RIN1: variants seen among roughly 807,000 people sequenced by gnomAD.
RIN1 encodes Ras and Rab interactor 1, also known as ras inhibitor 1.
A neutral mutation model predicts 64.9 loss-of-function variants in RIN1; 52 were observed. That is an observed-to-expected ratio of 0.80 (90% CI 0.64 to 1.01). The LOEUF (loss-of-function observed/expected upper bound fraction) is 1.01. Ranked by LOEUF, RIN1 falls within the 50% of genes least tolerant of loss-of-function variation. The probability of loss-of-function intolerance (pLI) is 0.00; values close to 1 mark genes in which losing one functional copy is unlikely to be tolerated. For missense variants in RIN1, 1,040 were observed against 1,064.5 expected (o/e 0.98, Z 0.32); for synonymous variants, 486 against 483.6 (o/e 1.00, Z -0.06).
chr11:66,333,637 T>A lies in RIN1; in HGVS notation c.1613A>T (p.Glu538Val), dbSNP rs2134939010. ...TQEGEGAGADEFLPLLSLVLA... is the reference protein window; with the variant it reads ...TQEGEGAGADVFLPLLSLVLA... ...GACGAGGCTCAGCAGAGGCAGGAAC[T>A]CGTCGGCACCCGCGCCCTCCCCTGT... The change falls in exon 8 of 10, where the codon GAG (glutamate) becomes GTG (valine). Residue 538 changes from glutamate to valine, a missense_variant. Glu to Val is a moderately radical substitution (Grantham distance 121). Transcript: ENST00000311320. 6.2e-7 allele frequency: 1 copy of A among 1,612,658 alleles called. No individual in the cohort carries two copies.
intron 4 of RIN1, 43 bp from the exon 5 acceptor site, chr11:66,335,541 G>C: frequency 6.2e-7 from 1 of 1,612,814 alleles, no homozygotes; most frequent in Middle Eastern, 1.6e-4. Flanking sequence ...GGGCCGAAGA[G>C]GGCGGGAAGG....
In RIN1 at chr11:66,336,286, C is replaced by G. The variant is rs372404108; in HGVS notation, c.86+31G>C. 3.8e-6 allele frequency: 6 copies of G among 1,582,818 alleles called. No homozygotes were observed. The African/African-American group carries it at 8.1e-5, about 21-fold the overall frequency. Reference sequence around the variant, plus strand: ...CCCTCCTCTCGCAGCCCCTCCCTGCCCCACCTGGCTGCCCTGCCAACTTCA... The same window carrying G: ...CCCTCCTCTCGCAGCCCCTCCCTGCGCCACCTGGCTGCCCTGCCAACTTCA... On this transcript the variant is annotated intron_variant, in intron 1 of 9. Coordinates refer to ENST00000311320, the MANE Select transcript of RIN1 (RefSeq NM_004292.3).
At chr11:66,335,385 A>G (rs746594311) in intron 5 of RIN1, 22 bp downstream of exon 5, 6 of 1,593,184 alleles carry the variant, frequency 3.8e-6, no homozygotes, top group African/African-American at 2.7e-5. Context: ...CATCTGTGCA[A>G]TGGGTGGCAG....
At chr11:66,336,704 G>C, upstream of RIN1, 1 of 393,340 alleles carries the variant, frequency 2.5e-6, no homozygotes, top group Non-Finnish European at 4.7e-6. Flanking sequence ...GTGGTTAAGC[G>C]GCCTCAGTCC....
At chr11:66,336,460 TC>T (rs1454012299), upstream of RIN1, 2 of 1,461,722 alleles carry the variant, frequency 1.4e-6, no homozygotes, top group African/African-American at 1.4e-5. Flanking sequence ...GGCACGCACA[TC>T]CCCAGTGAGT....
At chr11:66,333,067 A>T (rs985152387) in intron 9 of RIN1, 191 bp downstream of exon 9, 3 of 661,064 alleles carry the variant, frequency 4.5e-6, no homozygotes, top group Non-Finnish European at 7.7e-6. Flanking sequence ...AGGTCCTATT[A>T]CCCCATTTTA....
At chr11:66,332,938 G>C in intron 9 of RIN1, 186 bp from the exon 10 acceptor site, 1 of 616,848 alleles carries the variant, frequency 1.6e-6, no homozygotes, top group Non-Finnish European at 2.8e-6. Flanking sequence ...AGCCGCAGGT[G>C]CAAGGACAGC....
At chr11:66,336,557 G>A (rs1028613903), upstream of RIN1, 2 of 658,360 alleles carry the variant, frequency 3.0e-6, no homozygotes, top group South Asian at 1.9e-5. Context: ...CGCCTCCTCT[G>A]TTCTGGACCC....
At position 66,334,976 on chromosome 11, in the gene RIN1, G is replaced by A. The variant is rs1230169430; in HGVS notation, c.823C>T (p.Pro275Ser). ...PPVPVLPGAVPSQTERLPPCQ... is the reference protein window; with the variant it reads ...PPVPVLPGAVSSQTERLPPCQ... ...GGGGGCAGCCGCTCTGTCTGGCTGG[G>A]GACTGCCCCTGGCAGCACGGGGACG... Residue 275 changes from proline to serine, a missense_variant, in exon 6 of 10, where the codon CCC (proline) becomes TCC (serine). Pro to Ser is a moderately conservative substitution (Grantham distance 74). Transcript: ENST00000311320. 6.4e-7 allele frequency: 1 copy of A among 1,571,060 alleles called. No individual in the cohort carries two copies. The highest frequency in any genetic ancestry group is 8.6e-7 in the Non-Finnish European group (1 of 1,159,336).
Position 66,335,026 on chromosome 11 carries a change from G to C in RIN1, c.773C>G (p.Ser258Cys). The C allele has an allele frequency of 6.5e-7, 1 of 1,536,748 alleles. No individual in the cohort carries two copies. The highest frequency in any genetic ancestry group is 1.3e-5 in the South Asian group (1 of 78,346). ...GGGGGGAGGTGGCACGGCAGGTGGA[G>C]ACAGGGGGCTGGAGGTCTCTGTGGA... ...RVSTETSSPLSPPAVPPPPVP... is the reference protein window; with the variant it reads ...RVSTETSSPLCPPAVPPPPVP... The change falls in exon 6 of 10, where the codon TCT becomes TGT. Residue 258 changes from serine to cysteine, a missense_variant. Ser to Cys is a moderately radical substitution (Grantham distance 112). Coordinates refer to ENST00000311320, the MANE Select transcript of RIN1 (RefSeq NM_004292.3).
rs760724156 is a variant in RIN1 at position 66,335,796 on chromosome 11, G to A, written c.348C>T (p.Phe116=). ...MRLPEASGPS[F]VSSHYILESP... ...TCTCCAGGATGTAGTGGCTGGAGAC[G>A]AAGGAGGGGCCACTGGCTTCAGGCA... The change falls in exon 3 of 10, where the codon TTC becomes TTT. Residue 116 remains phenylalanine, a synonymous_variant. Transcript: ENST00000311320. The A allele has an allele frequency of 1.2e-5, 19 of 1,610,822 alleles. No individual in the cohort carries two copies. The highest frequency in any genetic ancestry group is 1.6e-4 in the Middle Eastern group (1 of 6,066).
chr11:66,336,226 TC>T (rs1163656097), intron 1 of RIN1, 68 bp from the exon 2 acceptor site: 4 of 1,499,424 alleles, frequency 2.7e-6, no homozygotes, highest in Non-Finnish European at 3.6e-6. Context: ...TCTTCCCCAC[TC>T]CCGGGTTTCC....
In RIN1 at chr11:66,335,849, G is replaced by A. The variant is rs576392806; in HGVS notation, c.295C>T (p.Arg99Cys). The change falls in exon 3 of 10, where the codon CGC (arginine) becomes TGC (cysteine). Residue 99 changes from arginine to cysteine, a missense_variant. Arg to Cys is a radical substitution (Grantham distance 180, BLOSUM62 -3). Coordinates refer to ENST00000311320, the MANE Select transcript of RIN1 (RefSeq NM_004292.3). ...GTFLVRKSNTRQCQALCMRLP... is the reference protein window; with the variant it reads ...GTFLVRKSNTCQCQALCMRLP... ...CGCATGCACAGGGCCTGGCACTGGC[G>A]GGTGTTAGATTTCCGCACGAGGAAC... 5.0e-6 allele frequency: 8 copies of A among 1,587,214 alleles called. No homozygotes were observed. Among genetic ancestry groups the A allele is most frequent in the Admixed American group, 1.8e-5 (1 of 57,060 alleles).
In RIN1 at chr11:66,336,025, C is replaced by A; in HGVS notation, c.220G>T (p.Ala74Ser). Residue 74 changes from alanine to serine, a missense_variant, in exon 2 of 10, where the codon GCC becomes TCC. Physicochemically the swap from Ala to Ser is moderately conservative, Grantham distance 99. Transcript: ENST00000311320. The stretch of plus-strand genomic sequence containing the variant: ...ATGTGCAGTGCGGCCGCTGCGTTGG[C>A]TTGCAGCTGCAGCCACACGGGCCGG... The part of the protein sequence containing the change: ...LTRPVWLQLQ[A>S]NAAAALHMLR... 6.8e-7 allele frequency: 1 copy of A among 1,467,626 alleles called. No homozygotes were observed. Among genetic ancestry groups the A allele is most frequent in the East Asian group, 2.4e-5 (1 of 41,334 alleles). 90.9% of individuals were successfully genotyped at this position (1,467,626 alleles called of 1,614,324 possible). A position where few individuals can be genotyped will look rare whatever the true frequency, so the allele number is the denominator to read the frequency against.
In RIN1 at chr11:66,334,901, C is replaced by A. The variant is rs377286544; in HGVS notation, c.898G>T (p.Gly300Cys). 1.2e-5 allele frequency: 19 copies of A among 1,578,588 alleles called. No homozygotes were observed. The highest frequency in any genetic ancestry group is 2.7e-5 in the African/African-American group (2 of 74,322). Residue 300 changes from glycine to cysteine, a missense_variant, in exon 6 of 10, where the codon GGC becomes TGC. By Grantham distance (159) the Gly-to-Cys change is radical. Transcript: ENST00000311320. ...ATAGGCGGAAGGCTAGGGCCACTGC[C>A]TGCTGGCACGCGGTACCCCACTGAG... is the stretch of plus-strand genomic sequence containing the variant. ...ESSVGYRVPA[G>C]SGPSLPPMPS...
Position 66,332,414 on chromosome 11 carries a change from A to T in RIN1, c.2214T>A (p.Asp738Glu). ...CCCTGGGGCTGGCTTTGACCCCAGC[A>T]TCCCCATCTCCCTGGCACCCTTGCT... ...GEEQGCQGDGDAGVKASPRDI... is the reference protein window; with the variant it reads ...GEEQGCQGDGEAGVKASPRDI... The change falls in exon 10 of 10, where the codon GAT becomes GAA. Residue 738 changes from aspartate to glutamate, a missense_variant. Physicochemically the swap from Asp to Glu is conservative, Grantham distance 45. Transcript: ENST00000311320. The T allele has an allele frequency of 1.2e-6, 2 of 1,614,096 alleles. No individual in the cohort carries two copies. Among genetic ancestry groups the T allele is most frequent in the Non-Finnish European group, 1.7e-6 (2 of 1,180,020 alleles).
At chr11:66,336,576 G>A, upstream of RIN1, 1 of 619,942 alleles carries the variant, frequency 1.6e-6, no homozygotes, top group African/African-American at 1.8e-5. Context: ...CCTGCTTTGG[G>A]GGTCAGGGGT....
In RIN1 at chr11:66,334,025, C is replaced by T. The variant is rs529019044; in HGVS notation, c.1485G>A (p.Val495=). The change falls in exon 7 of 10, where the codon GTG becomes GTA. Residue 495 remains valine (V), a synonymous_variant. Transcript: ENST00000311320. ...GGAGCAGCTGCAGCAGCTTCTGGCG[C>T]ACTTGCTCCAACTCTACTGGGGAGG... ...SLPSPVELEQ[V]RQKLLQLLRT... 2.6e-5 allele frequency: 41 copies of T among 1,572,966 alleles called. No individual in the cohort carries two copies. In the African/African-American group the frequency reaches 3.8e-4, roughly 14 times the overall value.
rs752161928 is a variant in RIN1, at chr11:66,334,635, G to C, written c.1164C>G (p.Thr388=). ...GGGGCTCGGGCCCAGCCCGCACCTG[G>C]GTCAGTAGGTCCTGCACCAGCTGGC... ...AAGQLVQDLL[T]QVRAGPEPQE... is the part of the protein sequence containing the mutation. Residue 388 remains threonine (T), a synonymous_variant, in exon 6 of 10, where the codon ACC becomes ACG. Transcript: ENST00000311320. The C allele has an allele frequency of 5.1e-6, 8 of 1,575,390 alleles. No individual in the cohort carries two copies. Among genetic ancestry groups the C allele is most frequent in the Non-Finnish European group, 6.9e-6 (8 of 1,163,304 alleles).
Sources: allele counts gnomAD v4.1 joint callset, GRCh38; gene constraint gnomAD v4.1.1; transcripts MANE v1.5; gene names NCBI Gene and HGNC (gene_info 2026-07-23, HGNC 2026-07-21).